ASIC1: variants seen among roughly 807,000 people sequenced by gnomAD.
ASIC1 encodes the protein acid-sensing ion channel 1.
A neutral mutation model predicts 63.4 loss-of-function variants in ASIC1; 21 were observed. The ratio of observed to expected loss-of-function variants is 0.33; its 90% CI spans 0.23 to 0.48. ASIC1 has a LOEUF of 0.48. Among genes scored for constraint, ASIC1 ranks in the 20% least tolerant of loss-of-function variants. The pLI is 0.99. For synonymous variants in ASIC1, 258 were observed against 278.2 expected (o/e 0.93, Z 0.72); for missense variants, 478 against 695.5 (o/e 0.69, Z 3.52).
Position 50,078,376 on chromosome 12 carries a change from G to T in ASIC1, c.838-45G>T. The T allele has an allele frequency of 6.2e-7, 1 of 1,607,676 alleles. No individual in the cohort carries two copies. Among genetic ancestry groups the T allele is most frequent in the Non-Finnish European group, 8.5e-7 (1 of 1,176,204 alleles). On this transcript the variant is annotated intron_variant, in intron 5 of 11. Coordinates refer to ENST00000447966, the MANE Select transcript of ASIC1 (RefSeq NM_001095.4). This position sits in a 1 kb window ranked among gnomAD's most constrained non-coding sequence, Gnocchi z 6.0. The stretch of plus-strand genomic sequence containing the variant: ...CAGAGGAGTCCATCAAGCTGATTTG[G>T]GGAGAAGTCCCCGCACTCCCCCAGC...
Position 50,074,293 on chromosome 12 carries a change from G to A in ASIC1, c.559-2920G>A, listed in dbSNP as rs1950631513. ...ACAGTACCCCAAGAGTGTCTGCCAT[G>A]GCTGTCCCTGACTGTCACCTCCTGG... On this transcript the variant is annotated intron_variant, in intron 3 of 11. Coordinates refer to ENST00000447966, the MANE Select transcript of ASIC1 (RefSeq NM_001095.4). This position sits in a 1 kb window ranked among gnomAD's most constrained non-coding sequence, Gnocchi z 4.2. 2 of 1,438,010 alleles carry A rather than the reference G, an allele frequency of 1.4e-6. No individual in the cohort carries two copies. Among genetic ancestry groups the A allele is most frequent in the South Asian group, 2.9e-5 (2 of 68,512 alleles). The allele number at this position is 1,438,010 out of a possible 1,614,324, so 89.1% of individuals were successfully genotyped here. A position where few individuals can be genotyped will look rare whatever the true frequency, so the allele number is the denominator to read the frequency against.
chr12:50,076,450 G>C (rs992757659), intron 3 of ASIC1, among the ~76,000 whole-genome samples: 1 of 143,752 alleles, frequency 7.0e-6, no homozygotes, highest in Non-Finnish European at 1.5e-5. Context: ...CTGGGCAACA[G>C]AGCAAGACTC....
chr12:50,076,098 T>A (rs1275704732), intron 3 of ASIC1, among the ~76,000 whole-genome samples: 1 of 152,228 alleles, frequency 6.6e-6, no homozygotes, highest in South Asian at 2.1e-4. Context: ...CAACTGGGTC[T>A]ACTTTCAGGT....
intron 7 of ASIC1, 106 bp downstream of exon 7, chr12:50,079,086 A>G (rs1251698841): frequency 3.7e-6 from 4 of 1,087,390 alleles, no homozygotes; most frequent in Non-Finnish European, 5.5e-6. Flanking sequence ...TAACTCCTGG[A>G]CTGGGCTGCA....
chr12:50,071,284 T>TTTTTTTTTTTTTG (rs1950596436), intron 3 of ASIC1, among the ~76,000 whole-genome samples: 1 of 149,564 alleles, frequency 6.7e-6, no homozygotes, highest in African/African-American at 2.5e-5. Context: ...TTTTTTTTTT[T>TTTTTTTTTTTTTG]GAGACGGAGT....
At chr12:50,060,026 G>C in intron 3 of ASIC1, 72 bp downstream of exon 3, 1 of 1,545,552 alleles carries the variant, frequency 6.5e-7, no homozygotes, top group East Asian at 2.3e-5. Flanking sequence ...GAGCAGGCTG[G>C]GCCTCTCCGG....
Position 50,057,926 on chromosome 12 carries a change from C to G in ASIC1, c.-17+10C>G, listed in dbSNP as rs1483143889. 6.6e-6 allele frequency: 1 copy of G among 152,006 alleles called. No individual in the cohort carries two copies. The highest frequency in any genetic ancestry group is 1.5e-5 in the Non-Finnish European group (1 of 68,038). 9.4% of individuals were successfully genotyped at this position (152,006 alleles called of 1,614,324 possible). On this transcript the variant is annotated intron_variant, in intron 1 of 11. Coordinates refer to ENST00000447966, the MANE Select transcript of ASIC1 (RefSeq NM_001095.4). This position sits in a 1 kb window ranked among gnomAD's most constrained non-coding sequence, Gnocchi z 4.7. ...GCCGAAGCCCCCTCAGGTGGGTTTC[C>G]GATACCCCTGCCTTTGGCCGCGAGG...
rs760314993 is a variant in ASIC1, at chr12:50,081,151, G to A, written c.1347G>A (p.Thr449=). The stretch of plus-strand genomic sequence containing the variant: ...TGTTCATCGGGGCCAGCATCCTCAC[G>A]GTGCTGGAGCTCTTTGACTACGCCT... ...MGLFIGASIL[T]VLELFDYAYE... is the part of the protein sequence containing the mutation. The change falls in exon 10 of 12, where the codon ACG becomes ACA. Residue 449 remains threonine, a synonymous_variant. Coordinates refer to ENST00000447966, the MANE Select transcript of ASIC1 (RefSeq NM_001095.4). The A allele has an allele frequency of 5.6e-6, 9 of 1,612,494 alleles. No individual in the cohort carries two copies. The East Asian group carries it at 6.7e-5, about 12-fold the overall frequency.
chr12:50,078,215 T>C lies in ASIC1; in HGVS notation c.837+88T>C. The C allele has an allele frequency of 6.5e-7, 1 of 1,548,214 alleles. No individual in the cohort carries two copies. The highest frequency in any genetic ancestry group is 8.7e-7 in the Non-Finnish European group (1 of 1,149,672). On this transcript the variant is annotated intron_variant, in intron 5 of 11. Transcript: ENST00000447966. This position sits in a 1 kb window ranked among gnomAD's most constrained non-coding sequence, Gnocchi z 6.0. ...GGCAATCAGTAATGGGAAGGACAGG[T>C]GAGCAAGGACCTGGGTGGTAATCTG...
intron 3 of ASIC1, among the ~76,000 whole-genome samples, chr12:50,069,028 G>A (rs897255863): frequency 2.0e-5 from 3 of 151,992 alleles, no homozygotes; most frequent in Non-Finnish European, 2.9e-5. Flanking sequence ...AATCCTCACC[G>A]TGGCCTTTAA....
chr12:50,073,710 GGAA>G (rs1294914654), intron 3 of ASIC1: 2 of 1,536,444 alleles, frequency 1.3e-6, no homozygotes, highest in African/African-American at 1.4e-5. Flanking sequence ...CGGAAGAGGA[GGAA>G]GAAGAGAAGG....
intron 3 of ASIC1, among the ~76,000 whole-genome samples, chr12:50,066,746 C>G (rs1950548838): frequency 6.6e-6 from 1 of 152,204 alleles, no homozygotes. Context: ...TTCTCAGTCA[C>G]CCTTCCTAGC....
intron 3 of ASIC1, among the ~76,000 whole-genome samples, chr12:50,071,999 G>A (rs939198551): frequency 4.6e-5 from 7 of 152,338 alleles, no homozygotes; most frequent in Non-Finnish European, 7.3e-5. Flanking sequence ...GAAGGATGGA[G>A]AGGGGCTAGA....
rs1950724143 is a variant in ASIC1, at chr12:50,081,848, C to T, written c.*199C>T. The T allele has an allele frequency of 1.7e-6, 1 of 589,676 alleles. No homozygotes were observed. The highest frequency in any genetic ancestry group is 3.0e-6 in the Non-Finnish European group (1 of 335,604). 36.5% of individuals were successfully genotyped at this position (589,676 alleles called of 1,614,324 possible). On this transcript the variant is annotated 3_prime_UTR_variant, in exon 12 of 12. Coordinates refer to ENST00000447966, the MANE Select transcript of ASIC1 (RefSeq NM_001095.4). ...CCCATTCTTTTTACATTTAACAAAA[C>T]TAATCTAAAAAAGAACTAAAAAGGG...
At chr12:50,080,137 T>C in intron 8 of ASIC1, 82 bp downstream of exon 8, 1 of 1,465,840 alleles carries the variant, frequency 6.8e-7, no homozygotes, top group Non-Finnish European at 9.2e-7. Context: ...GGGCGGGGGC[T>C]GGCAGGCAGG....
At chr12:50,061,517 G>T (rs1950500746) in intron 3 of ASIC1, among the ~76,000 whole-genome samples, 1 of 152,186 alleles carries the variant, frequency 6.6e-6, no homozygotes, top group Non-Finnish European at 1.5e-5. Flanking sequence ...GCTCCCAAGA[G>T]TAACAGGACT....
At position 50,081,192 on chromosome 12, in the gene ASIC1, G is replaced by T; in HGVS notation, c.1377+11G>T. On this transcript the variant is annotated intron_variant, in intron 10 of 11. Transcript: ENST00000447966. ...GACTACGCCTACGAGGTAAGCGGGGGCGAGGCCCGGCACGGGGCCACGTGG... is the reference window on the plus strand; with the variant it reads ...GACTACGCCTACGAGGTAAGCGGGGTCGAGGCCCGGCACGGGGCCACGTGG... The T allele has an allele frequency of 1.9e-6, 3 of 1,609,630 alleles. No individual in the cohort carries two copies. Among genetic ancestry groups the T allele is most frequent in the Non-Finnish European group, 2.5e-6 (3 of 1,178,124 alleles).
rs767028389 is a variant in ASIC1, at chr12:50,077,265, G to A, written c.611G>A (p.Arg204Gln). Residue 204 changes from arginine (R) to glutamine (Q), a missense_variant, in exon 4 of 12, where the codon CGG becomes CAG. Physicochemically the swap from Arg to Gln is conservative, Grantham distance 43. This residue lies in a region of ASIC1 where 290 missense variants were observed against 414.9 expected (regional missense o/e 0.70). Transcript: ENST00000447966. ...CYTFNSGRDG[R>Q]PRLKTMKGGT... ...ACGTTCAACTCGGGCCGAGATGGGCGGCCGCGGCTGAAGACCATGAAGGGT... is the reference window on the plus strand; with the variant it reads ...ACGTTCAACTCGGGCCGAGATGGGCAGCCGCGGCTGAAGACCATGAAGGGT... The A allele has an allele frequency of 6.9e-5, 112 of 1,613,910 alleles. No individual in the cohort carries two copies. The highest frequency in any genetic ancestry group is 1.6e-4 in the East Asian group (7 of 44,890).
intron 8 of ASIC1, 114 bp from the exon 9 acceptor site, chr12:50,080,384 A>G (rs1231590911): frequency 9.6e-6 from 10 of 1,039,792 alleles, no homozygotes; most frequent in Non-Finnish European, 1.4e-5. Context: ...TCAGCATCTC[A>G]TTTTATGGAT....
Sources: allele counts gnomAD v4.1 joint callset (sites outside exome capture counted in the v4.1 genomes callset), GRCh38; gene constraint gnomAD v4.1.1; regional missense constraint gnomAD v4.1.1; non-coding constraint Gnocchi (gnomAD v3.1); transcripts MANE v1.5; gene names NCBI Gene and HGNC (gene_info 2026-07-23, HGNC 2026-07-21).